Variants in PLCH1 observed in about 807,000 individuals in gnomAD.
PLCH1 encodes the protein phospholipase C eta 1, also known as 1-phosphatidylinositol 4,5-bisphosphate phosphodiesterase eta-1.
In PLCH1, 60 loss-of-function variants were observed where a neutral mutation model predicts 126.7. That is an observed-to-expected ratio of 0.47 (90% CI 0.38 to 0.59). The LOEUF (loss-of-function observed/expected upper bound fraction) is 0.59. Ranked by LOEUF, PLCH1 falls within the 20% of genes least tolerant of loss-of-function variation. The probability of loss-of-function intolerance (pLI) is 0.00; values close to 1 mark genes in which losing one functional copy is unlikely to be tolerated. For missense variants in PLCH1, 1,723 were observed against 2,040.0 expected, an observed-to-expected ratio of 0.84 and a Z score of 2.99; for synonymous variants, 719 against 734.9, an observed-to-expected ratio of 0.98 and a Z score of 0.35.
At chr3:155,699,947 T>A (rs1251134675) in intron 2 of PLCH1, among the ~76,000 whole-genome samples, 1 of 152,176 alleles carries the variant, frequency 6.6e-6, no homozygotes, top group African/African-American at 2.4e-5. Context: ...TTCTCTTCAA[T>A]GCCATCTTGC....
At chr3:155,497,215 A>C in intron 15 of PLCH1, 105 bp downstream of exon 15, 1 of 798,588 alleles carries the variant, frequency 1.3e-6, no homozygotes. Context: ...ACATAGTCCC[A>C]AAAATGTGTG....
downstream of PLCH1, among the ~76,000 whole-genome samples, chr3:155,476,759 G>A (rs776366618): frequency 1.8e-4 from 28 of 151,794 alleles, no homozygotes; most frequent in Non-Finnish European, 1.6e-4. Flanking sequence ...AAAGGACACC[G>A]AACAATGAAA....
At chr3:155,636,288 GA>G (rs753050624) in intron 2 of PLCH1, among the ~76,000 whole-genome samples, 1 of 152,104 alleles carries the variant, frequency 6.6e-6, no homozygotes, top group African/African-American at 2.4e-5. Flanking sequence ...TAAAAAAAGG[GA>G]AAATGTAGTC....
Position 155,554,161 on chromosome 3 carries a change from C to G in PLCH1, c.1105G>C (p.Val369Leu). Residue 369 changes from valine (V) to leucine (L), a missense_variant, in exon 9 of 23, where the codon GTA becomes CTA. By Grantham distance (32) the Val-to-Leu change is conservative. Around this residue, in one of 2 missense-constraint regions of PLCH1, gnomAD observed 776 missense variants for 1,062.9 expected, o/e 0.73. Coordinates refer to ENST00000460012, the MANE Select transcript of PLCH1 (RefSeq NM_014996.4). ...GAAGTGAGAGTGTAACCATGATGTA[C>G]TACTGGCTCTCCATCTGGGCCATCC... ...CWDGPDGEPVVHHGYTLTSKI... is the reference protein window; with the variant it reads ...CWDGPDGEPVLHHGYTLTSKI... 1 of 1,613,662 alleles carries G rather than the reference C, an allele frequency of 6.2e-7. No individual in the cohort carries two copies. The highest frequency in any genetic ancestry group is 8.5e-7 in the Non-Finnish European group (1 of 1,179,652).
intron 6 of PLCH1, among the ~76,000 whole-genome samples, chr3:155,581,962 T>C (rs931200795): frequency 1.3e-5 from 2 of 151,572 alleles, no homozygotes; most frequent in African/African-American, 4.8e-5. Flanking sequence ...TTGGTCAGGC[T>C]GGTCAGAACT....
intron 2 of PLCH1, among the ~76,000 whole-genome samples, chr3:155,633,447 C>CACAA (rs1264021087): frequency 6.7e-6 from 1 of 149,108 alleles, no homozygotes; most frequent in African/African-American, 2.5e-5. Flanking sequence ...CACACACACA[C>CACAA]AAACATAAAC....
chr3:155,702,461 C>A (rs563657597), intron 2 of PLCH1, among the ~76,000 whole-genome samples: 218 of 152,206 alleles, frequency 1.4e-3, no homozygotes, highest in Admixed American at 2.4e-3. Flanking sequence ...GCTTTAGTTA[C>A]CCCATTCATA....
At chr3:155,561,424 A>G (rs371020787) in intron 8 of PLCH1, among the ~76,000 whole-genome samples, 2 of 151,566 alleles carry the variant, frequency 1.3e-5, no homozygotes, top group African/African-American at 4.9e-5. Flanking sequence ...GAGAATGATG[A>G]TTTCCAATTT....
intron 8 of PLCH1, among the ~76,000 whole-genome samples, chr3:155,559,926 T>C (rs1452622117): frequency 6.6e-6 from 1 of 152,210 alleles, no homozygotes; most frequent in Admixed American, 6.5e-5. Flanking sequence ...TACTTTATCA[T>C]GAATTATCTT....
chr3:155,483,968 A>G (rs1714596595), intron 22 of PLCH1, among the ~76,000 whole-genome samples: 1 of 152,174 alleles, frequency 6.6e-6, no homozygotes, highest in Admixed American at 6.5e-5. Flanking sequence ...TATTCATCAT[A>G]AAAATTTTGA....
chr3:155,557,301 T>G (rs533044504), intron 8 of PLCH1, among the ~76,000 whole-genome samples: 29 of 152,240 alleles, frequency 1.9e-4, no homozygotes, highest in Non-Finnish European at 4.0e-4. Context: ...TGGTCCCTTC[T>G]TGGAGAAGAA....
intron 10 of PLCH1, among the ~76,000 whole-genome samples, chr3:155,548,970 T>G (rs952114387): frequency 5.9e-5 from 9 of 152,198 alleles, no homozygotes; most frequent in Middle Eastern, 3.2e-3. Flanking sequence ...CCTATATATT[T>G]GTTTTTTCAT....
At chr3:155,623,174 T>C (rs907152228) in intron 2 of PLCH1, among the ~76,000 whole-genome samples, 1 of 149,372 alleles carries the variant, frequency 6.7e-6, no homozygotes, top group African/African-American at 2.4e-5. Flanking sequence ...ATAACAAAAT[T>C]AAGGGAAAAA....
intron 21 of PLCH1, among the ~76,000 whole-genome samples, chr3:155,463,056 C>T (rs951403590): frequency 2.0e-5 from 3 of 152,142 alleles, no homozygotes; most frequent in Non-Finnish European, 4.4e-5. Context: ...CCTGTAAATC[C>T]AGTTATCTAG....
At chr3:155,641,836 C>T (rs1739437072) in intron 2 of PLCH1, among the ~76,000 whole-genome samples, 1 of 151,766 alleles carries the variant, frequency 6.6e-6, no homozygotes, top group Non-Finnish European at 1.5e-5. Flanking sequence ...AAAAAAAACC[C>T]AAAGGCTTTC....
intron 8 of PLCH1, among the ~76,000 whole-genome samples, chr3:155,558,207 T>G (rs1025926375): frequency 6.6e-6 from 1 of 152,230 alleles, no homozygotes; most frequent in Non-Finnish European, 1.5e-5. Context: ...TGTAGAATCA[T>G]TCTTCTCCAT....
At chr3:155,695,085 A>G (rs1745698262) in intron 2 of PLCH1, among the ~76,000 whole-genome samples, 1 of 151,972 alleles carries the variant, frequency 6.6e-6, no homozygotes, top group African/African-American at 2.4e-5. Context: ...TATGCAAACA[A>G]CTGCAATTAA....
intron 2 of PLCH1, among the ~76,000 whole-genome samples, chr3:155,690,522 T>C (rs1163445962): frequency 6.6e-6 from 1 of 152,182 alleles, no homozygotes; most frequent in African/African-American, 2.4e-5. Flanking sequence ...CTTGACTATA[T>C]CTTCATATGT....
At chr3:155,506,464 C>T (rs1309127978) in intron 12 of PLCH1, among the ~76,000 whole-genome samples, 2 of 150,934 alleles carry the variant, frequency 1.3e-5, no homozygotes, top group African/African-American at 2.4e-5. Flanking sequence ...AACGTGTCAA[C>T]TAGCATTAAG....
Sources: allele counts gnomAD v4.1 joint callset (sites outside exome capture counted in the v4.1 genomes callset), GRCh38; gene constraint gnomAD v4.1.1; regional missense constraint gnomAD v4.1.1; transcripts MANE v1.5; gene names NCBI Gene and HGNC (gene_info 2026-07-23, HGNC 2026-07-21).